The following KIAA1217 variants were observed in gnomAD, a reference collection of about 807,000 sequenced individuals.
KIAA1217 encodes KIAA1217.
In KIAA1217, 88 loss-of-function variants were observed where a neutral mutation model predicts 163.9. That is an observed-to-expected ratio of 0.54 (90% CI 0.45 to 0.64). KIAA1217 has a LOEUF of 0.64. Among genes scored for constraint, KIAA1217 ranks in the 30% least tolerant of loss-of-function variants. The pLI is 0.00. For missense variants in KIAA1217, 2,372 were observed against 2,475.0 expected (o/e 0.96, Z 0.88); for synonymous variants, 903 against 923.1 (o/e 0.98, Z 0.39).
intron 1 of KIAA1217, among the ~76,000 whole-genome samples, chr10:23,897,517 G>A (rs1453547129): frequency 6.6e-6 from 1 of 152,070 alleles, no homozygotes; most frequent in Non-Finnish European, 1.5e-5. Flanking sequence ...GGTGGCCAGG[G>A]CTGAGACTGG....
chr10:23,888,521 C>G (rs1031527332), intron 1 of KIAA1217, among the ~76,000 whole-genome samples: 13 of 151,834 alleles, frequency 8.6e-5, no homozygotes, highest in African/African-American at 3.1e-4. Flanking sequence ...AACATCCTAT[C>G]AACCTTTTTC....
chr10:24,337,932 C>A (rs1260301625), intron 2 of KIAA1217, among the ~76,000 whole-genome samples: 1 of 152,230 alleles, frequency 6.6e-6, no homozygotes, highest in Admixed American at 6.5e-5. Flanking sequence ...CATGAGCCAC[C>A]GCGCCCGGCC....
intron 2 of KIAA1217, among the ~76,000 whole-genome samples, chr10:24,240,771 T>A (rs1036229344): frequency 2.6e-5 from 4 of 152,176 alleles, no homozygotes; most frequent in African/African-American, 4.8e-5. Context: ...TGAAATGGCA[T>A]TGGATATTTA....
intron 5 of KIAA1217, among the ~76,000 whole-genome samples, chr10:24,442,325 A>AGCAG (rs770336469): frequency 1.0e-3 from 152 of 152,278 alleles, no homozygotes; most frequent in Middle Eastern, 6.8e-3. Flanking sequence ...CCTGTGTTTA[A>AGCAG]GCAGGCTTCT....
intron 2 of KIAA1217, among the ~76,000 whole-genome samples, chr10:24,086,024 C>T (rs1347350285): frequency 1.3e-5 from 2 of 151,902 alleles, no homozygotes; most frequent in African/African-American, 4.8e-5. Context: ...CCTGACTGCT[C>T]CTCCCTGCCC....
intron 3 of KIAA1217, among the ~76,000 whole-genome samples, chr10:24,403,395 C>T (rs1034484504): frequency 6.6e-6 from 1 of 152,144 alleles, no homozygotes; most frequent in Admixed American, 6.5e-5. Context: ...TGTGCCACCA[C>T]ACCTTGCTAA....
intron 1 of KIAA1217, among the ~76,000 whole-genome samples, chr10:23,929,520 G>A (rs868802023): frequency 6.6e-6 from 1 of 152,050 alleles, no homozygotes; most frequent in East Asian, 1.9e-4. Context: ...AAGTCCACGT[G>A]TACCCAGTGT....
chr10:23,869,660 C>G (rs943680272), intron 1 of KIAA1217, among the ~76,000 whole-genome samples: 1 of 152,106 alleles, frequency 6.6e-6, no homozygotes, highest in African/African-American at 2.4e-5. Context: ...CTCTCACCAT[C>G]TCACCTTCTG....
intron 1 of KIAA1217, among the ~76,000 whole-genome samples, chr10:24,002,403 C>T (rs949202628): frequency 3.9e-5 from 6 of 152,098 alleles, no homozygotes; most frequent in African/African-American, 7.2e-5. Flanking sequence ...CCTCTAACCA[C>T]GGAGGCACTT....
At chr10:23,721,034 C>T (rs1227450358) in intron 1 of KIAA1217, among the ~76,000 whole-genome samples, 4 of 152,134 alleles carry the variant, frequency 2.6e-5, no homozygotes, top group African/African-American at 9.7e-5. Context: ...TCTACCTACC[C>T]AATTCTGTAG....
chr10:23,802,064 G>A (rs941731662), intron 1 of KIAA1217, among the ~76,000 whole-genome samples: 2 of 152,140 alleles, frequency 1.3e-5, no homozygotes, highest in Non-Finnish European at 2.9e-5. Context: ...TTTTCTATCA[G>A]GACTTGAGAG....
At chr10:23,904,597 G>A (rs1002229005) in intron 1 of KIAA1217, among the ~76,000 whole-genome samples, 1 of 152,096 alleles carries the variant, frequency 6.6e-6, no homozygotes, top group African/African-American at 2.4e-5. Flanking sequence ...GGGAAAGAGA[G>A]CAGGAAAACC....
At chr10:23,899,012 G>C (rs1841839448) in intron 1 of KIAA1217, among the ~76,000 whole-genome samples, 1 of 152,102 alleles carries the variant, frequency 6.6e-6, no homozygotes, top group Non-Finnish European at 1.5e-5. Flanking sequence ...TTCCACTGCT[G>C]TTACTCTATC....
chr10:23,921,204 T>C (rs1353869576), intron 1 of KIAA1217, among the ~76,000 whole-genome samples: 1 of 152,178 alleles, frequency 6.6e-6, no homozygotes, highest in African/African-American at 2.4e-5. Context: ...CAAATTTGTC[T>C]CTGGTGAAGT....
intron 1 of KIAA1217, among the ~76,000 whole-genome samples, chr10:23,791,827 C>T (rs1405340458): frequency 6.6e-6 from 1 of 152,182 alleles, no homozygotes; most frequent in Non-Finnish European, 1.5e-5. Context: ...ATACCACAGC[C>T]TACATCAGCA....
chr10:24,478,450 T>C (rs2064279627), intron 6 of KIAA1217, among the ~76,000 whole-genome samples: 1 of 152,242 alleles, frequency 6.6e-6, no homozygotes. Context: ...ACAGTGTCTA[T>C]GGTATAACAT....
intron 14 of KIAA1217, 95 bp from the exon 15 acceptor site, chr10:24,531,735 T>A (rs1362870911): frequency 2.1e-5 from 26 of 1,258,198 alleles, no homozygotes; most frequent in Non-Finnish European, 2.7e-5. Context: ...AGAAAATTTT[T>A]AAATCAGATT....
chr10:24,026,211 A>C (rs1847932795), intron 2 of KIAA1217, among the ~76,000 whole-genome samples: 1 of 151,850 alleles, frequency 6.6e-6, no homozygotes, highest in African/African-American at 2.4e-5. Flanking sequence ...GTTCATGATA[A>C]CTTTTAATCT....
chr10:23,920,258 G>T (rs1306250767), intron 1 of KIAA1217, among the ~76,000 whole-genome samples: 1 of 152,156 alleles, frequency 6.6e-6, no homozygotes, highest in Non-Finnish European at 1.5e-5. Context: ...CTTTTGTAGG[G>T]TTTCATTTGT....
Sources: gnomAD v4.1 joint callset for allele counts (sites outside exome capture counted in the v4.1 genomes callset) on GRCh38, gnomAD v4.1.1 for gene constraint, MANE v1.5 for transcripts, NCBI Gene and HGNC (gene_info 2026-07-23, HGNC 2026-07-21) for gene names.